Variants in RSU1 observed in about 807,000 individuals in gnomAD.
RSU1 encodes the protein Ras suppressor protein 1, also known as rsu-1.
RSU1 carries 26 observed loss-of-function variants against 31.1 expected under a neutral mutation model. That is an observed-to-expected ratio of 0.84 (90% CI 0.61 to 1.16). The LOEUF (loss-of-function observed/expected upper bound fraction) is 1.16. RSU1 is among the 50% of genes most tolerant of loss of function. The pLI is 0.00. For synonymous variants in RSU1, 164 were observed against 136.3 expected, an observed-to-expected ratio of 1.20 and a Z score of -1.41; for missense variants, 320 against 339.1, an observed-to-expected ratio of 0.94 and a Z score of 0.44.
intron 8 of RSU1, among the ~76,000 whole-genome samples, chr10:16,626,049 C>CTT (rs112699947): frequency 1.4e-5 from 2 of 144,314 alleles, no homozygotes; most frequent in East Asian, 2.0e-4. Context: ...TTCCTTTTTT[C>CTT]TTTTTTTTTT....
At chr10:16,618,953 C>G (rs567359641) in intron 8 of RSU1, among the ~76,000 whole-genome samples, 3 of 152,224 alleles carry the variant, frequency 2.0e-5, no homozygotes, top group South Asian at 4.2e-4. Flanking sequence ...TGTAACAAAC[C>G]TGTGTGTTCT....
At position 16,784,602 on chromosome 10, in the gene RSU1, G is replaced by T. The variant is rs369217409; in HGVS notation, c.110-2518C>A. ...AACTGAGACTGCATAATTTATAAAGGAAAGAGGTTTAATGGACTCACAGTT... is the reference window on the plus strand; with the variant it reads ...AACTGAGACTGCATAATTTATAAAGTAAAGAGGTTTAATGGACTCACAGTT... On this transcript the variant is annotated intron_variant, in intron 2 of 8. Coordinates refer to ENST00000345264, the MANE Select transcript of RSU1 (RefSeq NM_012425.4). 4.6e-5 allele frequency among the ~76,000 whole-genome samples: 7 copies of T among 152,322 alleles called. No homozygotes were observed. In the East Asian group the frequency reaches 1.2e-3, roughly 25 times the overall value.
intron 8 of RSU1, among the ~76,000 whole-genome samples, chr10:16,640,679 C>A (rs1042696797): frequency 6.6e-6 from 1 of 152,240 alleles, no homozygotes; most frequent in African/African-American, 2.4e-5. Flanking sequence ...GCTGGGAATG[C>A]CTTCCAGGCT....
chr10:16,814,435 G>A (rs55649260), intron 2 of RSU1, among the ~76,000 whole-genome samples: 2,778 of 128,094 alleles, frequency 0.022, 38 homozygotes, highest in Middle Eastern at 0.052. Context: ...GTGACAGAGC[G>A]AGACCCTGTT....
chr10:16,790,804 ATTTG>A (rs1251641548), intron 2 of RSU1, among the ~76,000 whole-genome samples: 1 of 151,858 alleles, frequency 6.6e-6, no homozygotes, highest in African/African-American at 2.4e-5. Flanking sequence ...GCACCTCCCT[ATTTG>A]TTCTCTCTTT....
At chr10:16,785,979 A>G (rs1342413557) in intron 2 of RSU1, among the ~76,000 whole-genome samples, 1 of 152,066 alleles carries the variant, frequency 6.6e-6, no homozygotes, top group Non-Finnish European at 1.5e-5. Flanking sequence ...ACCCCCCACA[A>G]TTGGGATATC....
At chr10:16,632,324 C>T (rs990040977) in intron 8 of RSU1, among the ~76,000 whole-genome samples, 2 of 152,108 alleles carry the variant, frequency 1.3e-5, no homozygotes, top group Non-Finnish European at 2.9e-5. Flanking sequence ...GATGAATAAG[C>T]TATTGAAAAA....
At chr10:16,751,864 A>G (rs983224774) in intron 7 of RSU1, among the ~76,000 whole-genome samples, 6 of 152,194 alleles carry the variant, frequency 3.9e-5, no homozygotes, top group African/African-American at 1.4e-4. Flanking sequence ...AACCTTTTGC[A>G]GTGGAACGAA....
chr10:16,606,782 C>A (rs559477228), intron 8 of RSU1, among the ~76,000 whole-genome samples: 1 of 152,174 alleles, frequency 6.6e-6, no homozygotes, highest in African/African-American at 2.4e-5. Flanking sequence ...TAGAGAGAAG[C>A]CTTTGCTTTC....
At chr10:16,646,425 T>C (rs1202559076) in intron 8 of RSU1, among the ~76,000 whole-genome samples, 3 of 152,146 alleles carry the variant, frequency 2.0e-5, no homozygotes, top group Non-Finnish European at 2.9e-5. Flanking sequence ...GACTGAAACA[T>C]CATTGTTTAC....
At chr10:16,792,128 C>G (rs953515116) in intron 2 of RSU1, among the ~76,000 whole-genome samples, 1 of 152,168 alleles carries the variant, frequency 6.6e-6, no homozygotes, top group Non-Finnish European at 1.5e-5. Context: ...ATGAAAGGTT[C>G]TGTAACGTTG....
intron 7 of RSU1, among the ~76,000 whole-genome samples, chr10:16,736,196 A>C (rs367874585): frequency 1.3e-5 from 2 of 152,192 alleles, no homozygotes; most frequent in African/African-American, 4.8e-5. Context: ...TATTAACTAC[A>C]ATGTTCAGGA....
chr10:16,773,395 G>T (rs1324950144), intron 3 of RSU1, among the ~76,000 whole-genome samples: 1 of 151,998 alleles, frequency 6.6e-6, no homozygotes, highest in Non-Finnish European at 1.5e-5. Flanking sequence ...CATTCCCTTC[G>T]AAATAACCCA....
intron 3 of RSU1, among the ~76,000 whole-genome samples, chr10:16,772,228 G>A (rs1222692768): frequency 6.6e-6 from 1 of 152,150 alleles, no homozygotes; most frequent in East Asian, 1.9e-4. Context: ...AGCCAAACAT[G>A]CAAAAATGTA....
At chr10:16,694,984 A>G (rs770518720) in intron 8 of RSU1, 39 bp downstream of exon 8, 1 of 1,560,474 alleles carries the variant, frequency 6.4e-7, no homozygotes, top group Non-Finnish European at 8.7e-7. Flanking sequence ...ATACTATAAA[A>G]TCACAGTCTA....
At chr10:16,730,074 G>A (rs1445427754) in intron 7 of RSU1, among the ~76,000 whole-genome samples, 2 of 152,200 alleles carry the variant, frequency 1.3e-5, no homozygotes, top group South Asian at 2.1e-4. Flanking sequence ...AAGGCAGAAG[G>A]GGAAGGGGAG....
chr10:16,693,102 A>G (rs1835596868), intron 8 of RSU1, among the ~76,000 whole-genome samples: 1 of 152,160 alleles, frequency 6.6e-6, no homozygotes, highest in Non-Finnish European at 1.5e-5. Context: ...AGCTAGGATT[A>G]CAGGTGCCCC....
In RSU1 at chr10:16,786,066, TTC is replaced by T. The variant is rs1474620318; in HGVS notation, c.110-3984_110-3983del. Among the ~76,000 whole-genome samples the T allele has an allele frequency of 2.0e-5, 3 of 152,142 alleles. 1 individual carries two copies. Among genetic ancestry groups the T allele is most frequent in the African/African-American group, 4.8e-5 (2 of 41,432 alleles). On this transcript the variant is annotated intron_variant, in intron 2 of 8. Transcript: ENST00000345264. ...TCTAAAATTTCGTTGGTGACTGGCA[TTC>T]TCTGTCTGCTGGATGGCACTAGTGT...
rs555179930 is a variant in RSU1 at position 16,636,445 on chromosome 10, C to T, written c.732-42949G>A. ...CTTCGAATAAATACCTAGCATTTTACGACTTCTCATCCTGTCTGTGGTTGG... is the reference window on the plus strand; with the variant it reads ...CTTCGAATAAATACCTAGCATTTTATGACTTCTCATCCTGTCTGTGGTTGG... On this transcript the variant is annotated intron_variant, in intron 8 of 8. Transcript: ENST00000345264. 9.8e-5 allele frequency among the ~76,000 whole-genome samples: 15 copies of T among 152,330 alleles called. No homozygotes were observed. The East Asian group carries it at 2.1e-3, about 22-fold the overall frequency.
Sources: gnomAD v4.1 joint callset for allele counts (sites outside exome capture counted in the v4.1 genomes callset) on GRCh38, gnomAD v4.1.1 for gene constraint, MANE v1.5 for transcripts, NCBI Gene and HGNC (gene_info 2026-07-23, HGNC 2026-07-21) for gene names.